ASH2L: variants seen among roughly 807,000 people sequenced by gnomAD.
The protein encoded by ASH2L is set1/Ash2 histone methyltransferase complex subunit ASH2.
In ASH2L, 30 loss-of-function variants were observed where a neutral mutation model predicts 81.1. The ratio of observed to expected loss-of-function variants is 0.37; its 90% CI spans 0.28 to 0.50. The LOEUF (loss-of-function observed/expected upper bound fraction) is 0.50, where lower values mean the gene tolerates loss of function less well. ASH2L is among the 20% of genes least tolerant of loss of function. The probability of loss-of-function intolerance (pLI) is 0.95; values close to 1 mark genes in which losing one functional copy is unlikely to be tolerated. For synonymous variants in ASH2L, 273 were observed against 279.9 expected (o/e 0.98, Z 0.24); for missense variants, 559 against 792.1 (o/e 0.71, Z 3.53).
At chr8:38,106,932 C>A in intron 2 of ASH2L, 89 bp from the exon 3 acceptor site, 2 of 1,505,588 alleles carry the variant, frequency 1.3e-6, no homozygotes, top group Non-Finnish European at 1.8e-6. Context: ...GCCTGGGCAA[C>A]ATAGGGAGAC....
chr8:38,108,834 C>CT (rs1810563642), intron 3 of ASH2L, among the ~76,000 whole-genome samples: 1 of 152,060 alleles, frequency 6.6e-6, no homozygotes, highest in Non-Finnish European at 1.5e-5. Flanking sequence ...AATCCCAGCA[C>CT]TTTAGGAGGC....
intron 1 of ASH2L, chr8:38,106,138 A>G (rs1810419448): frequency 6.5e-7 from 1 of 1,529,626 alleles, no homozygotes; most frequent in South Asian, 1.2e-5. Context: ...ACTCTAACCC[A>G]GGTAGATTTG....
rs552633451 is a variant in ASH2L, at chr8:38,129,122, C to G, written c.1527+171C>G. On this transcript the variant is annotated intron_variant, in intron 12 of 15. Coordinates refer to ENST00000343823, the MANE Select transcript of ASH2L (RefSeq NM_004674.5). ...TAACAATCGGTGCACAAATAGTCAT[C>G]CATTCATTCTTCTACCCATCTATCA... Among the ~76,000 whole-genome samples the G allele has an allele frequency of 1.7e-3, 259 of 152,268 alleles. 1 individual carries two copies. Among genetic ancestry groups the G allele is most frequent in the Non-Finnish European group, 2.6e-3 (176 of 68,024 alleles).
chr8:38,132,823 G>T (rs1295328191), intron 12 of ASH2L, among the ~76,000 whole-genome samples: 1 of 150,240 alleles, frequency 6.7e-6, no homozygotes, highest in Non-Finnish European at 1.5e-5. Flanking sequence ...TAGGCTGGGC[G>T]CAGTGGCTCA....
chr8:38,105,783 C>T, intron 1 of ASH2L, 45 bp downstream of exon 1: 1 of 1,497,566 alleles, frequency 6.7e-7, no homozygotes, highest in Non-Finnish European at 8.9e-7. Context: ...GGGAGGCCCG[C>T]CCCTCGCGAA....
At chr8:38,120,123 CA>C (rs921644518) in intron 9 of ASH2L, among the ~76,000 whole-genome samples, 1 of 151,986 alleles carries the variant, frequency 6.6e-6, no homozygotes, top group Non-Finnish European at 1.5e-5. Context: ...GAAACTGTCT[CA>C]AAAAAACAAA....
chr8:38,120,228 G>T (rs1217168824), intron 9 of ASH2L, among the ~76,000 whole-genome samples: 2 of 152,138 alleles, frequency 1.3e-5, no homozygotes, highest in Non-Finnish European at 2.9e-5. Flanking sequence ...GTGTCTTCTG[G>T]TGATAAGCCT....
At chr8:38,109,293 A>G (rs1215012920) in intron 3 of ASH2L, among the ~76,000 whole-genome samples, 4 of 152,226 alleles carry the variant, frequency 2.6e-5, no homozygotes, top group African/African-American at 7.2e-5. Flanking sequence ...AAGAGGTTCT[A>G]CAGAGAAGTG....
intron 3 of ASH2L, among the ~76,000 whole-genome samples, chr8:38,109,771 A>G (rs916137726): frequency 6.6e-6 from 1 of 152,054 alleles, no homozygotes; most frequent in African/African-American, 2.4e-5. Context: ...TTTTTCTTAC[A>G]TTCTGCCTGC....
chr8:38,119,802 CAA>C (rs1811061266), intron 9 of ASH2L, among the ~76,000 whole-genome samples: 1 of 151,146 alleles, frequency 6.6e-6, no homozygotes, highest in Non-Finnish European at 1.5e-5. Context: ...GACTCCGTCT[CAA>C]AAACAAAACA....
intron 10 of ASH2L, among the ~76,000 whole-genome samples, chr8:38,126,593 G>A (rs896590569): frequency 5.9e-5 from 9 of 151,962 alleles, no homozygotes; most frequent in African/African-American, 2.2e-4. Flanking sequence ...GGTGGCTCAC[G>A]CCTGTAATCC....
rs752712559 is a variant in ASH2L, at chr8:38,105,606, G to C, written c.56G>C (p.Gly19Ala). ...GQEAGAGPGP[G>A]AVANATGAEE... is the part of the protein sequence containing the mutation. Reference sequence around the variant, plus strand: ...GAAGCGGGTGCCGGGCCTGGCCCAGGAGCGGTCGCAAATGCAACAGGGGCA... The same window carrying C: ...GAAGCGGGTGCCGGGCCTGGCCCAGCAGCGGTCGCAAATGCAACAGGGGCA... The change falls in exon 1 of 16, where the codon GGA becomes GCA. Residue 19 changes from glycine (G) to alanine (A), a missense_variant. Gly to Ala is a moderately conservative substitution (Grantham distance 60). Around this residue, in one of 4 missense-constraint regions of ASH2L, gnomAD observed 145 missense variants for 115.5 expected, o/e 1.26. Transcript: ENST00000343823. 2.5e-6 allele frequency: 4 copies of C among 1,601,562 alleles called. No individual in the cohort carries two copies. In the South Asian group the frequency reaches 4.5e-5, roughly 18 times the overall value.
Position 38,107,183 on chromosome 8 carries a change from GTTT to G in ASH2L, c.401+20_401+22del. The G allele has an allele frequency of 6.2e-7, 1 of 1,612,050 alleles. No individual in the cohort carries two copies. Among genetic ancestry groups the G allele is most frequent in the South Asian group, 1.1e-5 (1 of 91,056 alleles). On this transcript the variant is annotated intron_variant, in intron 3 of 15. Coordinates refer to ENST00000343823, the MANE Select transcript of ASH2L (RefSeq NM_004674.5). ...AGATACCTCGTGAGTACTTTTCATA[GTTT>G]TTGTGAGAATTGCTCGGTAAAATAA...
chr8:38,124,174 C>CTA (rs891858955), intron 10 of ASH2L: 6 of 151,788 alleles, frequency 4.0e-5, no homozygotes, highest in African/African-American at 7.3e-5. Flanking sequence ...TAGCAGCGTG[C>CTA]TATATATATA....
intron 10 of ASH2L, among the ~76,000 whole-genome samples, chr8:38,126,943 A>G (rs1248947399): frequency 6.6e-6 from 1 of 151,988 alleles, no homozygotes; most frequent in East Asian, 1.9e-4. Flanking sequence ...TGGGAGGCCA[A>G]GGAGAGCAGA....
intron 14 of ASH2L, chr8:38,137,387 T>C (rs1051186424): frequency 8.2e-5 from 1 of 12,216 alleles, no homozygotes; most frequent in African/African-American, 2.8e-4. Context: ...TCTCTAAAAA[T>C]ACAAAAAAAA....
chr8:38,129,082 T>G, intron 12 of ASH2L, 131 bp downstream of exon 12: 1 of 1,328,580 alleles, frequency 7.5e-7, no homozygotes, highest in Non-Finnish European at 1.0e-6. Context: ...TGCTATGACA[T>G]TTTCAGAATA....
chr8:38,105,973 G>A, intron 1 of ASH2L: 4 of 1,528,062 alleles, frequency 2.6e-6, no homozygotes, highest in Non-Finnish European at 3.5e-6. Context: ...TCTGATCCTT[G>A]CACCCTGGCA....
intron 12 of ASH2L, among the ~76,000 whole-genome samples, chr8:38,131,195 C>T (rs111793542): frequency 0.016 from 2,482 of 152,238 alleles, 44 homozygotes; most frequent in South Asian, 0.079. Flanking sequence ...TTATATCACA[C>T]TAGTGACTTA....
Sources: allele counts gnomAD v4.1 joint callset (sites outside exome capture counted in the v4.1 genomes callset), GRCh38; gene constraint gnomAD v4.1.1; regional missense constraint gnomAD v4.1.1; transcripts MANE v1.5; gene names NCBI Gene and HGNC (gene_info 2026-07-23, HGNC 2026-07-21).